The following GMDS variants were observed in gnomAD, a reference collection of about 807,000 sequenced individuals.
GMDS encodes GDP-mannose 4,6-dehydratase.
Under a neutral mutation model 49.9 loss-of-function variants are expected in GMDS, and 20 were observed. The ratio of observed to expected loss-of-function variants is 0.40; its 90% CI spans 0.28 to 0.58. The LOEUF (loss-of-function observed/expected upper bound fraction) is 0.58, where lower values mean the gene tolerates loss of function less well. Among genes scored for constraint, GMDS ranks in the 20% least tolerant of loss-of-function variants. The probability of loss-of-function intolerance (pLI) is 0.42; values close to 1 mark genes in which losing one functional copy is unlikely to be tolerated. For synonymous variants in GMDS, 177 were observed against 178.6 expected (o/e 0.99, Z 0.07); for missense variants, 362 against 481.4 (o/e 0.75, Z 2.32).
chr6:1,826,179 C>T (rs1771103556), intron 7 of GMDS, among the ~76,000 whole-genome samples: 1 of 152,124 alleles, frequency 6.6e-6, no homozygotes, highest in Non-Finnish European at 1.5e-5. Flanking sequence ...AAACACTGTA[C>T]ACTTAGGCTA....
At chr6:2,179,823 G>T (rs753758623) in intron 1 of GMDS, among the ~76,000 whole-genome samples, 12 of 151,970 alleles carry the variant, frequency 7.9e-5, no homozygotes, top group Non-Finnish European at 1.6e-4. Context: ...ACATTTAGAA[G>T]AAGCCCTGAA....
chr6:2,058,688 AGCAGAGATCAACGGAG>A (rs1770924911), intron 4 of GMDS, among the ~76,000 whole-genome samples: 1 of 152,238 alleles, frequency 6.6e-6, no homozygotes. Flanking sequence ...GTGGAAGTCC[AGCAGAGATCAACGGAG>A]TCAAGACAGA....
intron 6 of GMDS, 69 bp from the exon 7 acceptor site, chr6:1,930,299 A>G: frequency 7.4e-7 from 1 of 1,346,374 alleles, no homozygotes. Context: ...GGTGAACCAA[A>G]CCCGATTTCG....
At chr6:1,796,329 T>A (rs1371067820) in intron 7 of GMDS, among the ~76,000 whole-genome samples, 1 of 152,180 alleles carries the variant, frequency 6.6e-6, no homozygotes, top group East Asian at 1.9e-4. Flanking sequence ...GTATGATAGA[T>A]CTTCAAAAAA....
At chr6:1,909,394 A>G (rs1397988172) in intron 7 of GMDS, among the ~76,000 whole-genome samples, 3 of 152,250 alleles carry the variant, frequency 2.0e-5, no homozygotes, top group African/African-American at 4.8e-5. Context: ...TCAAAGACCC[A>G]AAAGTATAGA....
intron 4 of GMDS, among the ~76,000 whole-genome samples, chr6:2,054,166 T>C (rs989714263): frequency 6.6e-6 from 1 of 152,130 alleles, no homozygotes; most frequent in Non-Finnish European, 1.5e-5. Flanking sequence ...CAGCCCGAAA[T>C]GTAACCTTTA....
At chr6:2,234,326 A>G (rs1479615239) in intron 1 of GMDS, among the ~76,000 whole-genome samples, 2 of 152,212 alleles carry the variant, frequency 1.3e-5, no homozygotes, top group Non-Finnish European at 2.9e-5. Flanking sequence ...TATTTCAATG[A>G]TAACATCAAA....
chr6:1,720,750 G>C (rs1480669576), intron 9 of GMDS, among the ~76,000 whole-genome samples: 3 of 152,200 alleles, frequency 2.0e-5, no homozygotes, highest in Non-Finnish European at 1.5e-5. Flanking sequence ...CCGCTGGTCA[G>C]AGAAAGGAAC....
chr6:2,199,954 A>C (rs1032181085), intron 1 of GMDS, among the ~76,000 whole-genome samples: 5 of 152,248 alleles, frequency 3.3e-5, no homozygotes, highest in Non-Finnish European at 7.3e-5. Flanking sequence ...TATATGGTAA[A>C]TGCTATTCCA....
chr6:1,883,849 T>C (rs1475595572), intron 7 of GMDS, among the ~76,000 whole-genome samples: 1 of 152,226 alleles, frequency 6.6e-6, no homozygotes, highest in African/African-American at 2.4e-5. Flanking sequence ...TGTTTCAGTA[T>C]TAACCAAATA....
chr6:2,008,457 T>C (rs1204901451), intron 4 of GMDS, among the ~76,000 whole-genome samples: 1 of 152,200 alleles, frequency 6.6e-6, no homozygotes, highest in Non-Finnish European at 1.5e-5. Context: ...CTGGCTGATC[T>C]AGTGGATGGA....
chr6:1,660,884 T>C (rs772402651), intron 9 of GMDS, among the ~76,000 whole-genome samples: 2 of 151,078 alleles, frequency 1.3e-5, no homozygotes, highest in Non-Finnish European at 2.9e-5. Context: ...CTTTCCAGCA[T>C]AGTTCCACAG....
intron 4 of GMDS, among the ~76,000 whole-genome samples, chr6:2,108,746 C>A (rs958097292): frequency 2.6e-5 from 4 of 152,124 alleles, no homozygotes; most frequent in Admixed American, 6.6e-5. Context: ...CTGCCCACCT[C>A]GGTATTCTCA....
intron 9 of GMDS, among the ~76,000 whole-genome samples, chr6:1,717,839 T>C (rs2113413166): frequency 6.6e-6 from 1 of 152,314 alleles, no homozygotes; most frequent in African/African-American, 2.4e-5. Flanking sequence ...CCCTTTCATC[T>C]TTAAGAATTT....
At chr6:1,968,638 C>T (rs1046796184) in intron 4 of GMDS, among the ~76,000 whole-genome samples, 8 of 152,114 alleles carry the variant, frequency 5.3e-5, no homozygotes, top group African/African-American at 1.2e-4. Flanking sequence ...GGGAGAGAGG[C>T]GGCTATAGTC....
intron 6 of GMDS, among the ~76,000 whole-genome samples, chr6:1,941,836 G>A (rs1408558509): frequency 6.6e-6 from 1 of 152,142 alleles, no homozygotes; most frequent in Non-Finnish European, 1.5e-5. Context: ...AGAGCAGGTA[G>A]GGAGAACACA....
At chr6:1,929,786 T>A (rs1054587443) in intron 7 of GMDS, among the ~76,000 whole-genome samples, 5 of 152,216 alleles carry the variant, frequency 3.3e-5, no homozygotes, top group African/African-American at 1.2e-4. Flanking sequence ...AGTACTTTTA[T>A]ACCCCCAAAA....
chr6:1,816,945 A>G (rs1770696057), intron 7 of GMDS, among the ~76,000 whole-genome samples: 1 of 151,666 alleles, frequency 6.6e-6, no homozygotes, highest in South Asian at 2.1e-4. Flanking sequence ...TGGGGTTGTC[A>G]CAGAGTTTAA....
chr6:1,874,332 T>A (rs1410132794), intron 7 of GMDS, among the ~76,000 whole-genome samples: 1 of 152,218 alleles, frequency 6.6e-6, no homozygotes, highest in Admixed American at 6.5e-5. Flanking sequence ...ACTTTCCATT[T>A]TTCCTCCCTA....
Sources: allele counts gnomAD v4.1 joint callset (sites outside exome capture counted in the v4.1 genomes callset), GRCh38; gene constraint gnomAD v4.1.1; transcripts MANE v1.5; gene names NCBI Gene and HGNC (gene_info 2026-07-23, HGNC 2026-07-21).